CSMD1: variants seen among roughly 807,000 people sequenced by gnomAD.
CSMD1 encodes the protein CUB and Sushi multiple domains 1.
A neutral mutation model predicts 417.5 loss-of-function variants in CSMD1; 213 were observed. The ratio of observed to expected loss-of-function variants is 0.51; its 90% CI spans 0.46 to 0.57. The LOEUF (loss-of-function observed/expected upper bound fraction) is 0.57. Among genes scored for constraint, CSMD1 ranks in the 20% least tolerant of loss-of-function variants. The pLI, the probability that CSMD1 is intolerant of heterozygous loss-of-function variation, is 0.00. For synonymous variants in CSMD1, 2,862 were observed against 1,736.8 expected (o/e 1.65, Z -16.11); for missense variants, 6,923 against 4,529.7 (o/e 1.53, Z -15.17).
At chr8:4,811,632 T>C (rs1347411596) in intron 1 of CSMD1, among the ~76,000 whole-genome samples, 1 of 152,086 alleles carries the variant, frequency 6.6e-6, no homozygotes, top group African/African-American at 2.4e-5. Context: ...AAAATTTTGA[T>C]GGGGCTGTCA....
chr8:4,762,547 C>T (rs186714101), intron 1 of CSMD1, among the ~76,000 whole-genome samples: 1,528 of 152,180 alleles, frequency 0.01, 11 homozygotes, highest in Non-Finnish European at 0.017. Flanking sequence ...AAGTAACCTA[C>T]ATTTCAAAAA....
chr8:3,780,353 G>T (rs377358622), intron 5 of CSMD1, among the ~76,000 whole-genome samples: 1 of 152,198 alleles, frequency 6.6e-6, no homozygotes, highest in African/African-American at 2.4e-5. Context: ...GAATTTGGAA[G>T]CATTGCAAAC....
chr8:3,126,847 AG>A (rs1252067404), intron 41 of CSMD1, among the ~76,000 whole-genome samples: 2 of 152,186 alleles, frequency 1.3e-5, no homozygotes, highest in Non-Finnish European at 2.9e-5. Flanking sequence ...CGGGAGGACC[AG>A]CCTGCACATG....
chr8:3,591,742 A>C (rs1332848902), intron 8 of CSMD1, among the ~76,000 whole-genome samples: 1 of 151,118 alleles, frequency 6.6e-6, no homozygotes, highest in East Asian at 1.9e-4. Context: ...AGATACACAG[A>C]TAAACGGAGA....
intron 28 of CSMD1, 101 bp downstream of exon 28, chr8:3,223,628 C>A: frequency 6.6e-6 from 8 of 1,204,824 alleles, no homozygotes; most frequent in Non-Finnish European, 9.5e-6. Context: ...CTAGCACTTA[C>A]CTAGATATAA....
intron 1 of CSMD1, among the ~76,000 whole-genome samples, chr8:4,730,549 G>C (rs980056839): frequency 6.6e-6 from 1 of 151,986 alleles, no homozygotes; most frequent in Admixed American, 6.6e-5. Context: ...GACCATCCTG[G>C]CTAACACGGT....
chr8:3,494,652 G>C (rs1796292177), intron 10 of CSMD1, among the ~76,000 whole-genome samples: 1 of 151,404 alleles, frequency 6.6e-6, no homozygotes, highest in Admixed American at 6.6e-5. Context: ...ATGGATGGGT[G>C]GATGGAAAAA....
chr8:3,127,091 A>G (rs1817549720), intron 41 of CSMD1, among the ~76,000 whole-genome samples: 1 of 152,220 alleles, frequency 6.6e-6, no homozygotes, highest in East Asian at 1.9e-4. Context: ...TCAACAATGA[A>G]GATTCAGGTC....
At chr8:4,292,488 G>A (rs558148769) in intron 3 of CSMD1, among the ~76,000 whole-genome samples, 10 of 152,022 alleles carry the variant, frequency 6.6e-5, no homozygotes, top group Non-Finnish European at 7.4e-5. Context: ...TGCTGACCTC[G>A]TAATCTGCCT....
chr8:3,282,316 G>T (rs368253169), intron 26 of CSMD1, among the ~76,000 whole-genome samples: 2 of 152,064 alleles, frequency 1.3e-5, no homozygotes, highest in East Asian at 1.9e-4. Flanking sequence ...CAGAGAGCAC[G>T]TGGGAACTCT....
chr8:4,557,183 G>C (rs1798133615), intron 2 of CSMD1, among the ~76,000 whole-genome samples: 1 of 152,076 alleles, frequency 6.6e-6, no homozygotes, highest in South Asian at 2.1e-4. Context: ...TTAGAATTTG[G>C]TGACGGATTC....
At chr8:3,613,160 T>C (rs1485749836) in intron 8 of CSMD1, 1 of 177,916 alleles carries the variant, frequency 5.6e-6, no homozygotes, top group East Asian at 1.8e-4. Flanking sequence ...TTTGACAACT[T>C]AGATTAAAAT....
At chr8:3,479,631 A>G (rs1362707146) in intron 11 of CSMD1, among the ~76,000 whole-genome samples, 1 of 152,204 alleles carries the variant, frequency 6.6e-6, no homozygotes, top group Non-Finnish European at 1.5e-5. Flanking sequence ...GCAAAAAACC[A>G]CAGTTGCTTT....
intron 1 of CSMD1, among the ~76,000 whole-genome samples, chr8:4,969,489 T>C (rs931614487): frequency 6.6e-6 from 1 of 151,460 alleles, no homozygotes; most frequent in Non-Finnish European, 1.5e-5. Flanking sequence ...CTCTCTCTCT[T>C]TCTGTCTCCA....
intron 18 of CSMD1, among the ~76,000 whole-genome samples, chr8:3,376,261 A>G (rs1337719502): frequency 6.6e-6 from 1 of 152,076 alleles, no homozygotes; most frequent in Non-Finnish European, 1.5e-5. Flanking sequence ...AATAAAGAGT[A>G]AACTAATTGC....
At chr8:3,653,397 C>A in intron 7 of CSMD1, among the ~76,000 whole-genome samples, 1 of 152,092 alleles carries the variant, frequency 6.6e-6, no homozygotes, top group East Asian at 1.9e-4. Flanking sequence ...CAACCTCCGC[C>A]TCCTGGATTC....
At chr8:3,264,620 G>A (rs890785011) in intron 26 of CSMD1, among the ~76,000 whole-genome samples, 6 of 152,204 alleles carry the variant, frequency 3.9e-5, no homozygotes, top group East Asian at 3.9e-4. Flanking sequence ...CGTATAAATC[G>A]AACTGCTTTT....
intron 7 of CSMD1, among the ~76,000 whole-genome samples, chr8:3,670,116 G>C (rs1798910526): frequency 6.6e-6 from 1 of 152,036 alleles, no homozygotes; most frequent in African/African-American, 2.4e-5. Context: ...GTTGATCCTG[G>C]GTGTGTCTCT....
chr8:3,675,527 A>T (rs73183340), intron 7 of CSMD1, among the ~76,000 whole-genome samples: 2 of 152,010 alleles, frequency 1.3e-5, no homozygotes, highest in East Asian at 1.9e-4. Context: ...ATCTCCAATG[A>T]GATGGTGTTT....
Sources: allele counts gnomAD v4.1 joint callset (sites outside exome capture counted in the v4.1 genomes callset), GRCh38; gene constraint gnomAD v4.1.1; transcripts MANE v1.5; gene names NCBI Gene and HGNC (gene_info 2026-07-23, HGNC 2026-07-21).